Variants in AKR1E2 observed in about 807,000 individuals in gnomAD.
AKR1E2 encodes 1,5-anhydro-D-fructose reductase.
In AKR1E2, 43 loss-of-function variants were observed where a neutral mutation model predicts 41.9. The ratio of observed to expected loss-of-function variants is 1.03; its 90% CI spans 0.80 to 1.32. The LOEUF is 1.32. AKR1E2 is among the 40% of genes most tolerant of loss of function. The probability of loss-of-function intolerance (pLI) is 0.00; values close to 1 mark genes in which losing one functional copy is unlikely to be tolerated. For synonymous variants in AKR1E2, 121 were observed against 138.9 expected (o/e 0.87, Z 0.91); for missense variants, 423 against 396.5 (o/e 1.07, Z -0.57).
chr10:4,846,549 CT>C (rs760426996), intron 8 of AKR1E2, among the ~76,000 whole-genome samples: 347 of 140,926 alleles, frequency 2.5e-3, no homozygotes, highest in Admixed American at 2.1e-3. Flanking sequence ...CTGTGCCATC[CT>C]TTTTTTTTTT....
downstream of AKR1E2, among the ~76,000 whole-genome samples, chr10:4,852,107 A>G (rs1023377915): frequency 2.0e-5 from 3 of 152,202 alleles, no homozygotes; most frequent in South Asian, 2.1e-4. Flanking sequence ...CTCTATTCCA[A>G]TGGTGACCAG....
the AKR1E2 span, among the ~76,000 whole-genome samples, chr10:4,872,715 A>C: frequency 6.6e-6 from 1 of 152,172 alleles, no homozygotes; most frequent in African/African-American, 2.4e-5. Context: ...CAAAACAAAA[A>C]CCCTGCCCTT....
the AKR1E2 span, among the ~76,000 whole-genome samples, chr10:4,866,639 G>GTTTTTTTTTT: frequency 1.9e-5 from 2 of 107,802 alleles, no homozygotes; most frequent in African/African-American, 3.2e-5. Flanking sequence ...TTTTGTTTTT[G>GTTTTTTTTTT]TTTTTGTTTT....
intron 8 of AKR1E2, chr10:4,845,647 G>A: frequency 2.2e-6 from 1 of 448,716 alleles, no homozygotes; most frequent in Admixed American, 2.4e-5. Context: ...CAGGTGGCAG[G>A]GGGCCACATC....
chr10:4,835,839 C>T (rs145828783), intron 4 of AKR1E2, 30 bp downstream of exon 4: 3 of 1,611,698 alleles, frequency 1.9e-6, no homozygotes, highest in East Asian at 2.2e-5. Context: ...CAGGCAGCCT[C>T]ATCCTGTGTG....
the AKR1E2 span, among the ~76,000 whole-genome samples, chr10:4,862,073 T>G: frequency 6.6e-6 from 1 of 152,220 alleles, no homozygotes; most frequent in African/African-American, 2.4e-5. Flanking sequence ...GGTCTAACAT[T>G]TAAGTCTTTA....
chr10:4,860,702 A>G, the AKR1E2 span, among the ~76,000 whole-genome samples: 16 of 152,358 alleles, frequency 1.1e-4, no homozygotes, highest in African/African-American at 3.1e-4. Context: ...GAGCTTTATT[A>G]ATAACCCAAA....
intron 4 of AKR1E2, 98 bp from the exon 5 acceptor site, chr10:4,837,361 C>T (rs1833508719): frequency 9.7e-6 from 14 of 1,444,828 alleles, no homozygotes; most frequent in Non-Finnish European, 1.2e-5. Flanking sequence ...AATATTGGGT[C>T]CAACCAGTTT....
At chr10:4,864,406 A>T in the AKR1E2 span, among the ~76,000 whole-genome samples, 5 of 152,224 alleles carry the variant, frequency 3.3e-5, no homozygotes, top group African/African-American at 1.2e-4. Context: ...GACAAAATTC[A>T]ACAGCCCTTC....
chr10:4,841,430 C>T (rs1245297899), intron 6 of AKR1E2, among the ~76,000 whole-genome samples: 1 of 151,992 alleles, frequency 6.6e-6, no homozygotes, highest in African/African-American at 2.4e-5. Flanking sequence ...CTGTGCTGTG[C>T]CAGGGTGTAC....
chr10:4,830,583 G>A, intron 1 of AKR1E2, 92 bp from the exon 2 acceptor site: 1 of 1,439,694 alleles, frequency 6.9e-7, no homozygotes, highest in Non-Finnish European at 9.6e-7. Flanking sequence ...AATTTTTTAT[G>A]TATTATGTTG....
chr10:4,869,366 G>A, the AKR1E2 span, among the ~76,000 whole-genome samples: 4 of 152,068 alleles, frequency 2.6e-5, no homozygotes, highest in Non-Finnish European at 4.4e-5. Context: ...AGGATCTATA[G>A]CATAATTCCC....
At chr10:4,842,352 T>C in intron 7 of AKR1E2, 69 bp from the exon 8 acceptor site, 2 of 1,400,258 alleles carry the variant, frequency 1.4e-6, no homozygotes, top group Non-Finnish European at 2.0e-6. Context: ...AAAACTCACA[T>C]GTTAGAAAAT....
chr10:4,852,114 C>G (rs1834535778), downstream of AKR1E2, among the ~76,000 whole-genome samples: 1 of 152,172 alleles, frequency 6.6e-6, no homozygotes, highest in African/African-American at 2.4e-5. Context: ...CCAATGGTGA[C>G]CAGCATTACT....
intron 4 of AKR1E2, 50 bp from the exon 5 acceptor site, chr10:4,837,409 T>C: frequency 6.3e-7 from 1 of 1,596,952 alleles, no homozygotes; most frequent in South Asian, 1.1e-5. Context: ...ACGTAGATTG[T>C]CAGTGCAGTA....
intron 8 of AKR1E2, among the ~76,000 whole-genome samples, chr10:4,845,214 C>T (rs1452195353): frequency 1.3e-5 from 2 of 152,056 alleles, no homozygotes; most frequent in Non-Finnish European, 2.9e-5. Context: ...CTCCGAGTGC[C>T]GGGCCCACCA....
At position 4,842,494 on chromosome 10, in the gene AKR1E2, A is replaced by C; in HGVS notation, c.827A>C (p.Glu276Ala). 2 of 1,613,946 alleles carry C rather than the reference A, an allele frequency of 1.2e-6. No individual in the cohort carries two copies. The highest frequency in any genetic ancestry group is 1.7e-6 in the Non-Finnish European group (2 of 1,179,854). ...PGSITPSHIK[E>A]NIQVFDFELT... The stretch of plus-strand genomic sequence containing the variant: ...TCTATCACCCCAAGTCACATTAAAG[A>C]GAATATCCAGGTAGGTGTATTCCTT... Residue 276 changes from glutamate to alanine, a missense_variant, in exon 8 of 10, where the codon GAG becomes GCG. Physicochemically the swap from Glu to Ala is moderately radical, Grantham distance 107 (BLOSUM62 -1). Transcript: ENST00000298375.
chr10:4,854,108 T>G, the AKR1E2 span, among the ~76,000 whole-genome samples: 39,770 of 150,168 alleles, frequency 0.26, 5,682 homozygotes, highest in Middle Eastern at 0.39. Flanking sequence ...TTTTTTTTTT[T>G]TTTTAGACAG....
intron 3 of AKR1E2, 61 bp downstream of exon 3, chr10:4,833,527 C>T: frequency 1.4e-6 from 2 of 1,425,866 alleles, no homozygotes; most frequent in Non-Finnish European, 2.0e-6. Context: ...GTGCTCACAC[C>T]CTGTCTTGCG....
Sources: gnomAD v4.1 joint callset for allele counts (sites outside exome capture counted in the v4.1 genomes callset) on GRCh38, gnomAD v4.1.1 for gene constraint, MANE v1.5 for transcripts, NCBI Gene and HGNC (gene_info 2026-07-23, HGNC 2026-07-21) for gene names.